Variants in SDK1 observed in about 807,000 individuals in gnomAD.
SDK1 encodes the protein sidekick cell adhesion molecule 1.
In SDK1, 157 loss-of-function variants were observed where a neutral mutation model predicts 245.5. That is an observed-to-expected ratio of 0.64 (90% CI 0.56 to 0.73). SDK1 has a LOEUF of 0.73. Among genes scored for constraint, SDK1 ranks in the 30% least tolerant of loss-of-function variants. The pLI is 0.00. For synonymous variants in SDK1, 1,647 were observed against 1,278.5 expected, an observed-to-expected ratio of 1.29 and a Z score of -6.15; for missense variants, 3,583 against 3,002.3, an observed-to-expected ratio of 1.19 and a Z score of -4.52.
At chr7:3,329,573 C>T (rs1392158839) in intron 1 of SDK1, among the ~76,000 whole-genome samples, 1 of 152,130 alleles carries the variant, frequency 6.6e-6, no homozygotes, top group Non-Finnish European at 1.5e-5. Flanking sequence ...ATCTACTTTG[C>T]GTCTCTATAG....
chr7:3,477,041 A>G (rs1488178499), intron 1 of SDK1, among the ~76,000 whole-genome samples: 1 of 152,192 alleles, frequency 6.6e-6, no homozygotes, highest in Non-Finnish European at 1.5e-5. Context: ...AAATGGAACA[A>G]GACTGATCAA....
chr7:3,802,736 C>T (rs1032667258), intron 4 of SDK1, among the ~76,000 whole-genome samples: 1 of 152,054 alleles, frequency 6.6e-6, no homozygotes, highest in African/African-American at 2.4e-5. Flanking sequence ...TTGGCTTTTC[C>T]CCCCACTTAA....
intron 4 of SDK1, among the ~76,000 whole-genome samples, chr7:3,740,476 G>C (rs1779447392): frequency 6.6e-6 from 1 of 152,190 alleles, no homozygotes; most frequent in African/African-American, 2.4e-5. Context: ...TAGGGATAGG[G>C]CTTTTTGCAC....
At chr7:4,013,738 G>A (rs1397082691) in intron 16 of SDK1, among the ~76,000 whole-genome samples, 5 of 152,220 alleles carry the variant, frequency 3.3e-5, no homozygotes, top group East Asian at 1.9e-4. Flanking sequence ...AAGCCAGACC[G>A]TGACCCACCT....
At chr7:4,232,384 CTTT>C (rs1425066111) in intron 40 of SDK1, among the ~76,000 whole-genome samples, 2 of 92,874 alleles carry the variant, frequency 2.2e-5, no homozygotes, top group African/African-American at 7.9e-5. Context: ...TTCCTTTTTT[CTTT>C]TTTTCTTTTC....
chr7:3,717,131 C>T (rs966227448), intron 4 of SDK1, among the ~76,000 whole-genome samples: 31 of 152,098 alleles, frequency 2.0e-4, no homozygotes, highest in African/African-American at 6.8e-4. Flanking sequence ...TACAAGTAGG[C>T]TGTGATAGGT....
At chr7:4,133,579 T>C (rs1784996912) in intron 28 of SDK1, among the ~76,000 whole-genome samples, 1 of 152,148 alleles carries the variant, frequency 6.6e-6, no homozygotes, top group Admixed American at 6.5e-5. Context: ...TCTAAAGCCT[T>C]GGAAGAAGGG....
At chr7:3,624,143 C>A (rs530063336) in intron 2 of SDK1, among the ~76,000 whole-genome samples, 10 of 152,138 alleles carry the variant, frequency 6.6e-5, no homozygotes, top group African/African-American at 2.2e-4. Context: ...TCCTTTGAAG[C>A]CATCATAGAA....
At chr7:3,416,259 TA>T (rs1181541971) in intron 1 of SDK1, among the ~76,000 whole-genome samples, 1 of 152,116 alleles carries the variant, frequency 6.6e-6, no homozygotes, top group Non-Finnish European at 1.5e-5. Context: ...TAGGAAGTCA[TA>T]TTACTAAAAG....
chr7:3,877,425 A>G (rs1369743127), intron 5 of SDK1, among the ~76,000 whole-genome samples: 2 of 152,214 alleles, frequency 1.3e-5, no homozygotes, highest in East Asian at 1.9e-4. Context: ...AGAGAGAACA[A>G]CCGTGTTCCC....
At chr7:3,355,311 C>T (rs999051920) in intron 1 of SDK1, among the ~76,000 whole-genome samples, 2 of 152,148 alleles carry the variant, frequency 1.3e-5, no homozygotes, top group African/African-American at 4.8e-5. Context: ...GTCCCATTAA[C>T]GATTTGCAAA....
chr7:4,040,502 G>T (rs943988732), intron 17 of SDK1, among the ~76,000 whole-genome samples: 23 of 152,192 alleles, frequency 1.5e-4, no homozygotes, highest in African/African-American at 5.5e-4. Flanking sequence ...AAGGAGTGAG[G>T]TTAAGAGTGG....
intron 5 of SDK1, among the ~76,000 whole-genome samples, chr7:3,838,752 G>A (rs1264432091): frequency 6.6e-6 from 1 of 152,202 alleles, no homozygotes; most frequent in Non-Finnish European, 1.5e-5. Context: ...GTTCCAAGCT[G>A]TGTCCCTCAC....
chr7:4,252,899 C>T (rs935776430), intron 44 of SDK1, among the ~76,000 whole-genome samples: 15 of 147,606 alleles, frequency 1.0e-4, no homozygotes, highest in African/African-American at 3.7e-4. Context: ...AATGCTACCT[C>T]ATTAATCTAA....
intron 4 of SDK1, among the ~76,000 whole-genome samples, chr7:3,694,213 C>T (rs1411572524): frequency 6.6e-6 from 1 of 152,176 alleles, no homozygotes; most frequent in East Asian, 1.9e-4. Flanking sequence ...TTGTGCCCTG[C>T]CCACTGCATA....
chr7:3,966,354 A>G (rs556195092), intron 9 of SDK1, among the ~76,000 whole-genome samples: 1 of 152,138 alleles, frequency 6.6e-6, no homozygotes. Context: ...CAGCCCAGGG[A>G]CCCTCACAGA....
At position 4,242,943 on chromosome 7, in the gene SDK1, C is replaced by T. The variant is rs527536584; in HGVS notation, c.6251+1030C>T. 2.6e-5 allele frequency among the ~76,000 whole-genome samples: 4 copies of T among 152,348 alleles called. No individual in the cohort carries two copies. In the East Asian group the frequency reaches 7.7e-4, roughly 29 times the overall value. ...CTCTGCCAGCCCCACAGGTGCCAGT[C>T]CAAAGCACCGCAGGCCGCCACCCCA... On this transcript the variant is annotated intron_variant, in intron 43 of 44. Transcript: ENST00000404826.
intron 1 of SDK1, among the ~76,000 whole-genome samples, chr7:3,324,466 G>C (rs955331816): frequency 6.6e-6 from 1 of 152,090 alleles, no homozygotes. Flanking sequence ...ACAAAAAGCC[G>C]ATGTGTAAAA....
At chr7:4,130,318 G>C in intron 27 of SDK1, 1 of 578,598 alleles carries the variant, frequency 1.7e-6, no homozygotes, top group Non-Finnish European at 3.0e-6. Flanking sequence ...CCTGTACTGA[G>C]TTTCCCTCAT....
Sources: allele counts gnomAD v4.1 joint callset (sites outside exome capture counted in the v4.1 genomes callset), GRCh38; gene constraint gnomAD v4.1.1; transcripts MANE v1.5; gene names NCBI Gene and HGNC (gene_info 2026-07-23, HGNC 2026-07-21).